ZCCHC7: variants seen among roughly 807,000 people sequenced by gnomAD.
ZCCHC7 encodes zinc finger CCHC domain-containing protein 7.
A neutral mutation model predicts 52.0 loss-of-function variants in ZCCHC7; 35 were observed. That is an observed-to-expected ratio of 0.67 (90% CI 0.51 to 0.89). The LOEUF is 0.89. Among genes scored for constraint, ZCCHC7 ranks in the 40% least tolerant of loss-of-function variants. The probability of loss-of-function intolerance (pLI) is 0.00; values close to 1 mark genes in which losing one functional copy is unlikely to be tolerated. For synonymous variants in ZCCHC7, 217 were observed against 221.5 expected (o/e 0.98, Z 0.18); for missense variants, 574 against 649.1 (o/e 0.88, Z 1.26).
intron 2 of ZCCHC7, among the ~76,000 whole-genome samples, chr9:37,220,621 G>A (rs1248126884): frequency 6.6e-6 from 1 of 152,152 alleles, no homozygotes; most frequent in Admixed American, 6.5e-5. Context: ...GTTTGAAAGA[G>A]CGAGAAATTA....
At chr9:37,171,538 C>T (rs1032118510) in intron 2 of ZCCHC7, among the ~76,000 whole-genome samples, 2 of 152,152 alleles carry the variant, frequency 1.3e-5, no homozygotes, top group African/African-American at 4.8e-5. Context: ...CTCCCTCAGC[C>T]TCCTGAGTAG....
chr9:37,203,659 A>T (rs1823751702), intron 2 of ZCCHC7, among the ~76,000 whole-genome samples: 1 of 152,194 alleles, frequency 6.6e-6, no homozygotes, highest in African/African-American at 2.4e-5. Flanking sequence ...GTGGCTGCAT[A>T]GTATTCCATG....
chr9:37,323,722 T>C (rs1830137013), intron 5 of ZCCHC7, among the ~76,000 whole-genome samples: 1 of 152,224 alleles, frequency 6.6e-6, no homozygotes, highest in South Asian at 2.1e-4. Context: ...ATGTGGAATT[T>C]TGATTGACGG....
chr9:37,197,905 A>C (rs1823374099), intron 2 of ZCCHC7, among the ~76,000 whole-genome samples: 1 of 152,222 alleles, frequency 6.6e-6, no homozygotes. Context: ...ATATATGAGC[A>C]GGGATGTTGG....
intron 2 of ZCCHC7, among the ~76,000 whole-genome samples, chr9:37,221,873 T>C (rs1588504629): frequency 6.6e-6 from 1 of 152,156 alleles, no homozygotes; most frequent in Non-Finnish European, 1.5e-5. Flanking sequence ...CCAGTAGTTA[T>C]TCATTTACTC....
chr9:37,126,589 C>T lies in ZCCHC7; in HGVS notation c.257C>T (p.Ser86Leu). 1 of 1,614,158 alleles carries T rather than the reference C, an allele frequency of 6.2e-7. No homozygotes were observed. Among genetic ancestry groups the T allele is most frequent in the Non-Finnish European group, 8.5e-7 (1 of 1,180,036 alleles). The change falls in exon 2 of 9, where the codon TCA (serine) becomes TTA (leucine). Residue 86 changes from serine (S) to leucine (L), a missense_variant. Transcript: ENST00000336755. ...TCAGATAGTGAGGTCATCCAGCTGT[C>T]AGATGGGTCAGAGGTCATCACTTTG... ...VLSDSEVIQL[S>L]DGSEVITLSD...
intron 2 of ZCCHC7, among the ~76,000 whole-genome samples, chr9:37,207,284 T>TG (rs1737520598): frequency 6.6e-6 from 1 of 152,218 alleles, no homozygotes; most frequent in Non-Finnish European, 1.5e-5. Context: ...TTTTAGCACT[T>TG]GCAATGTGTA....
chr9:37,165,710 G>A (rs568483964), intron 2 of ZCCHC7, among the ~76,000 whole-genome samples: 1 of 152,272 alleles, frequency 6.6e-6, no homozygotes, highest in Admixed American at 6.5e-5. Context: ...CTTGCTGCCA[G>A]TTCTCATGTA....
chr9:37,302,178 T>G lies in ZCCHC7; in HGVS notation c.611-10T>G. On this transcript the variant is annotated splice_polypyrimidine_tract_variant and intron_variant, in intron 2 of 8. Coordinates refer to ENST00000336755, the MANE Select transcript of ZCCHC7 (RefSeq NM_032226.3). ...TGCCACGGTTAAGTAATAATTTATT[T>G]GTTTTGTAGGAGAAGATGGTATAAA... is the stretch of plus-strand genomic sequence containing the variant. 2 of 1,603,846 alleles carry G rather than the reference T, an allele frequency of 1.2e-6. No homozygotes were observed. The highest frequency in any genetic ancestry group is 1.7e-6 in the Non-Finnish European group (2 of 1,173,450).
chr9:37,191,403 C>T (rs1390320201), intron 2 of ZCCHC7, among the ~76,000 whole-genome samples: 1 of 152,036 alleles, frequency 6.6e-6, no homozygotes, highest in Non-Finnish European at 1.5e-5. Context: ...TCTCCTTTCT[C>T]TTTTATATTT....
At chr9:37,276,331 G>C (rs1002832946) in intron 2 of ZCCHC7, among the ~76,000 whole-genome samples, 1 of 152,002 alleles carries the variant, frequency 6.6e-6, no homozygotes. Flanking sequence ...TCTTAATGGT[G>C]TTTTTTTGTT....
chr9:37,336,397 T>A (rs1588688953), intron 6 of ZCCHC7, among the ~76,000 whole-genome samples: 1 of 152,264 alleles, frequency 6.6e-6, no homozygotes, highest in East Asian at 1.9e-4. Context: ...AAAAGAACAT[T>A]ACTTCCCCCT....
At chr9:37,132,947 A>G (rs1414728265) in intron 2 of ZCCHC7, among the ~76,000 whole-genome samples, 3 of 152,032 alleles carry the variant, frequency 2.0e-5, no homozygotes, top group Non-Finnish European at 4.4e-5. Flanking sequence ...GACTAGCCTG[A>G]CCAACATGGT....
At chr9:37,302,473 C>G (rs1196531734) in intron 3 of ZCCHC7, among the ~76,000 whole-genome samples, 1 of 152,130 alleles carries the variant, frequency 6.6e-6, no homozygotes, top group African/African-American at 2.4e-5. Flanking sequence ...GTCCTCTCAG[C>G]CCATATGGCC....
chr9:37,256,786 T>C (rs1297879297), intron 2 of ZCCHC7, among the ~76,000 whole-genome samples: 1 of 152,182 alleles, frequency 6.6e-6, no homozygotes, highest in African/African-American at 2.4e-5. Flanking sequence ...TGTAACTAAC[T>C]TTTAGGAAAC....
At chr9:37,230,602 AAATAT>A (rs1160532091) in intron 2 of ZCCHC7, among the ~76,000 whole-genome samples, 2 of 152,086 alleles carry the variant, frequency 1.3e-5, no homozygotes, top group Non-Finnish European at 2.9e-5. Flanking sequence ...TAAAATAATA[AAATAT>A]ATTTTGAATT....
chr9:37,230,165 A>G (rs2133306954), intron 2 of ZCCHC7, among the ~76,000 whole-genome samples: 1 of 152,368 alleles, frequency 6.6e-6, no homozygotes, highest in East Asian at 1.9e-4. Context: ...AAAAGTAAGT[A>G]GAAGGAGTAC....
At chr9:37,264,944 C>A (rs1827031885) in intron 2 of ZCCHC7, among the ~76,000 whole-genome samples, 1 of 152,146 alleles carries the variant, frequency 6.6e-6, no homozygotes, top group Admixed American at 6.6e-5. Flanking sequence ...AAGCTTTTAT[C>A]TATGTGTTCT....
At chr9:37,235,559 C>CTCCCTTCCCT (rs918971149) in intron 2 of ZCCHC7, among the ~76,000 whole-genome samples, 11 of 109,874 alleles carry the variant, frequency 1.0e-4, no homozygotes, top group East Asian at 7.0e-4. Flanking sequence ...CTCCCCTCCC[C>CTCCCTTCCCT]TCCCTTCCCT....
Sources: gnomAD v4.1 joint callset for allele counts (sites outside exome capture counted in the v4.1 genomes callset) on GRCh38, gnomAD v4.1.1 for gene constraint, MANE v1.5 for transcripts, NCBI Gene and HGNC (gene_info 2026-07-23, HGNC 2026-07-21) for gene names.